Variants in FBXL17 observed in about 807,000 individuals in gnomAD.
The protein encoded by FBXL17 is F-box/LRR-repeat protein 17.
FBXL17 carries 22 observed loss-of-function variants against 66.2 expected under a neutral mutation model. That is an observed-to-expected ratio of 0.33 (90% CI 0.24 to 0.47). The LOEUF (loss-of-function observed/expected upper bound fraction) is 0.47. FBXL17 is among the 20% of genes least tolerant of loss of function. The probability of loss-of-function intolerance (pLI) is 1.00; values close to 1 mark genes in which losing one functional copy is unlikely to be tolerated. For missense variants in FBXL17, 878 were observed against 948.2 expected, an observed-to-expected ratio of 0.93 and a Z score of 0.97; for synonymous variants, 474 against 400.5, an observed-to-expected ratio of 1.18 and a Z score of -2.19.
intron 8 of FBXL17, chr5:107,879,674 A>G: frequency 1.0e-6 from 1 of 985,482 alleles, no homozygotes; most frequent in Non-Finnish European, 1.2e-6. Flanking sequence ...TGCTACATTT[A>G]GAAGATGCAT....
chr5:107,900,129 T>C (rs1453708962), intron 7 of FBXL17, among the ~76,000 whole-genome samples: 1 of 152,196 alleles, frequency 6.6e-6, no homozygotes, highest in East Asian at 1.9e-4. Context: ...ACACCTGATA[T>C]TTTTTGTAAA....
At chr5:108,268,021 AACAAAGT>A (rs756068328) in intron 4 of FBXL17, among the ~76,000 whole-genome samples, 4 of 152,120 alleles carry the variant, frequency 2.6e-5, no homozygotes, top group Non-Finnish European at 4.4e-5. Flanking sequence ...GTTGATTGCT[AACAAAGT>A]ACAAAGTTGG....
intron 7 of FBXL17, among the ~76,000 whole-genome samples, chr5:107,887,231 T>A (rs1413700312): frequency 1.3e-5 from 2 of 152,196 alleles, no homozygotes; most frequent in Non-Finnish European, 2.9e-5. Flanking sequence ...AAAAAAAGTA[T>A]GGATAAGCTA....
chr5:108,078,480 G>A (rs1580411769), intron 6 of FBXL17, among the ~76,000 whole-genome samples: 1 of 152,286 alleles, frequency 6.6e-6, no homozygotes, highest in African/African-American at 2.4e-5. Context: ...GCAAACAGAA[G>A]TGGCCCTGCA....
rs565042866 is a variant in FBXL17 at position 108,004,580 on chromosome 5, A to C, written c.1822+16345T>G. Among the ~76,000 whole-genome samples the C allele has an allele frequency of 2.6e-5, 4 of 152,260 alleles. No individual in the cohort carries two copies. The East Asian group carries it at 5.8e-4, about 22-fold the overall frequency. On this transcript the variant is annotated intron_variant, in intron 7 of 8. Transcript: ENST00000542267. ...GGCAAAGAGGAGGAAAAAGTGCCATAGTTAAGCAATGGGAGGGAAAGTACT... is the reference window on the plus strand; with the variant it reads ...GGCAAAGAGGAGGAAAAAGTGCCATCGTTAAGCAATGGGAGGGAAAGTACT...
intron 6 of FBXL17, among the ~76,000 whole-genome samples, chr5:108,163,401 T>C (rs1217325170): frequency 1.4e-5 from 1 of 69,938 alleles, no homozygotes; most frequent in African/African-American, 3.4e-5. Context: ...TTTTTTTTCT[T>C]TTTTTTTTTT....
chr5:108,001,971 T>C (rs1753746824), intron 7 of FBXL17, among the ~76,000 whole-genome samples: 1 of 152,144 alleles, frequency 6.6e-6, no homozygotes. Context: ...GATCATTACC[T>C]TGCAAGTGAG....
intron 7 of FBXL17, among the ~76,000 whole-genome samples, chr5:107,980,850 G>T (rs999863030): frequency 6.7e-6 from 1 of 148,658 alleles, no homozygotes; most frequent in African/African-American, 2.5e-5. Flanking sequence ...TAAAGACGGG[G>T]TTTCACCATG....
chr5:107,913,984 T>G (rs1193295243), intron 7 of FBXL17, among the ~76,000 whole-genome samples: 2 of 151,854 alleles, frequency 1.3e-5, no homozygotes, highest in African/African-American at 4.8e-5. Context: ...TTTTTTTTTT[T>G]TTAACAGGAG....
chr5:107,964,389 A>G (rs1389594114), intron 7 of FBXL17, among the ~76,000 whole-genome samples: 1 of 150,914 alleles, frequency 6.6e-6, no homozygotes, highest in Non-Finnish European at 1.5e-5. Flanking sequence ...TAGAGAATAA[A>G]CATTACGAAA....
chr5:107,945,283 A>G (rs138655676), intron 7 of FBXL17, among the ~76,000 whole-genome samples: 89 of 152,294 alleles, frequency 5.8e-4, no homozygotes, highest in Non-Finnish European at 1.0e-3. Flanking sequence ...AAGGATATTG[A>G]GCAATGAGAA....
At chr5:107,898,637 C>A (rs1007094610) in intron 7 of FBXL17, among the ~76,000 whole-genome samples, 5 of 152,144 alleles carry the variant, frequency 3.3e-5, no homozygotes, top group African/African-American at 1.2e-4. Context: ...CACCTCGCAA[C>A]AGGCCCCGGT....
intron 6 of FBXL17, among the ~76,000 whole-genome samples, chr5:108,083,250 C>CACACACAGAG (rs369652150): frequency 5.4e-4 from 79 of 145,684 alleles, no homozygotes; most frequent in African/African-American, 6.2e-4. Flanking sequence ...CACACACACA[C>CACACACAGAG]AGAGAGAGAG....
At chr5:108,255,733 T>C (rs1202621284) in intron 4 of FBXL17, among the ~76,000 whole-genome samples, 1 of 152,152 alleles carries the variant, frequency 6.6e-6, no homozygotes, top group Non-Finnish European at 1.5e-5. Context: ...ATATAGCCTT[T>C]CAGTAGTTTC....
chr5:107,945,410 A>G (rs538882789), intron 7 of FBXL17, among the ~76,000 whole-genome samples: 1 of 152,292 alleles, frequency 6.6e-6, no homozygotes, highest in African/African-American at 2.4e-5. Context: ...ACAAGAAGAT[A>G]CACAAGGATA....
chr5:107,950,738 A>G (rs572859779), intron 7 of FBXL17, among the ~76,000 whole-genome samples: 13 of 152,318 alleles, frequency 8.5e-5, no homozygotes, highest in Admixed American at 5.9e-4. Context: ...ACAACCTCAA[A>G]TCTGCTATTA....
chr5:108,025,704 AAC>A (rs142809932), intron 6 of FBXL17, among the ~76,000 whole-genome samples: 18,463 of 123,292 alleles, frequency 0.15, 1,331 homozygotes, highest in East Asian at 0.18. Context: ...CACACACACA[AAC>A]ACACACACAC....
At chr5:107,869,405 G>C (rs761500881) in intron 8 of FBXL17, among the ~76,000 whole-genome samples, 3 of 152,138 alleles carry the variant, frequency 2.0e-5, no homozygotes, top group Non-Finnish European at 2.9e-5. Flanking sequence ...CAGACTCTAA[G>C]ATGGGCACAT....
At position 107,861,562 on chromosome 5, in the gene FBXL17, A is replaced by C; in HGVS notation, c.*158T>G. ...TCACTTGGGAACAAATGACAACTGC[A>C]CTTTTGGTATGCAGTATGCAAACAA... On this transcript the variant is annotated 3_prime_UTR_variant, in exon 9 of 9. Coordinates refer to ENST00000542267, the MANE Select transcript of FBXL17 (RefSeq NM_001163315.3). 2 of 573,902 alleles carry C rather than the reference A, an allele frequency of 3.5e-6. No homozygotes were observed. The highest frequency in any genetic ancestry group is 5.2e-6 in the Non-Finnish European group (2 of 387,010). The allele number at this position is 573,902 out of a possible 1,614,324, so 35.6% of individuals were successfully genotyped here. A position where few individuals can be genotyped will look rare whatever the true frequency, so the allele number is the denominator to read the frequency against.
Sources: allele counts gnomAD v4.1 joint callset (sites outside exome capture counted in the v4.1 genomes callset), GRCh38; gene constraint gnomAD v4.1.1; transcripts MANE v1.5; gene names NCBI Gene and HGNC (gene_info 2026-07-23, HGNC 2026-07-21).